The following RLF variants were observed in gnomAD, a reference collection of about 807,000 sequenced individuals.
The protein encoded by RLF is zinc finger protein Rlf.
RLF carries 7 observed loss-of-function variants against 162.9 expected under a neutral mutation model. That is an observed-to-expected ratio of 0.04 (90% CI 0.02 to 0.08). The LOEUF (loss-of-function observed/expected upper bound fraction) is 0.08, where lower values mean the gene tolerates loss of function less well. RLF is among the 10% of genes least tolerant of loss of function. The pLI, the probability that RLF is intolerant of heterozygous loss-of-function variation, is 1.00. For synonymous variants in RLF, 782 were observed against 791.5 expected, an observed-to-expected ratio of 0.99 and a Z score of 0.20; for missense variants, 1,664 against 2,244.7, an observed-to-expected ratio of 0.74 and a Z score of 5.23.
rs1168469669 is a variant in RLF at position 40,240,389 on chromosome 1, C to T, written c.5687C>T (p.Pro1896Leu). 6.2e-7 allele frequency: 1 copy of T among 1,613,954 alleles called. No homozygotes were observed. The highest frequency in any genetic ancestry group is 1.7e-5 in the Admixed American group (1 of 59,968). Residue 1896 changes from proline to leucine, a missense_variant, in exon 8 of 8, where the codon CCA (proline) becomes CTA (leucine). Transcript: ENST00000372771. ...CTTGAAAGATCTAAGTTTTCCACAC[C>T]AATTTTAGACTTATTTCCAACAAAA... ...VVLERSKFST[P>L]ILDLFPTKKT...
chr1:40,219,196 T>G (rs951972207), intron 5 of RLF, among the ~76,000 whole-genome samples: 1 of 152,214 alleles, frequency 6.6e-6, no homozygotes, highest in Non-Finnish European at 1.5e-5. Context: ...TTTACATGAA[T>G]TTTTTAAGTT....
chr1:40,209,871 C>T (rs765666565), intron 5 of RLF, among the ~76,000 whole-genome samples: 2 of 148,050 alleles, frequency 1.4e-5, no homozygotes, highest in Non-Finnish European at 3.0e-5. Flanking sequence ...GGGCGAGACT[C>T]CGTCTTAAAA....
intron 6 of RLF, among the ~76,000 whole-genome samples, chr1:40,228,226 C>T (rs1272372986): frequency 2.6e-5 from 4 of 151,258 alleles, no homozygotes; most frequent in Non-Finnish European, 5.9e-5. Flanking sequence ...GCAGAGGTTG[C>T]AGTGAGCCGA....
At chr1:40,202,676 G>A in intron 5 of RLF, 62 bp downstream of exon 5, 1 of 973,856 alleles carries the variant, frequency 1.0e-6, no homozygotes, top group Non-Finnish European at 1.5e-6. Context: ...TATATATATT[G>A]CATGGTTTAT....
intron 1 of RLF, among the ~76,000 whole-genome samples, chr1:40,170,511 GT>G (rs1642229676): frequency 6.6e-6 from 1 of 152,144 alleles, no homozygotes; most frequent in Non-Finnish European, 1.5e-5. Context: ...GCCTCCCAAA[GT>G]GCTGGGATTA....
chr1:40,224,249 T>C (rs975435331), intron 6 of RLF, among the ~76,000 whole-genome samples: 8 of 151,060 alleles, frequency 5.3e-5, no homozygotes, highest in African/African-American at 2.0e-4. Flanking sequence ...AAAATCTTAG[T>C]CATTTCACAC....
intron 3 of RLF, among the ~76,000 whole-genome samples, chr1:40,193,145 A>G (rs1642582994): frequency 6.6e-6 from 1 of 151,346 alleles, no homozygotes; most frequent in African/African-American, 2.4e-5. Context: ...AAAAAAAAAA[A>G]AGAGCATCTT....
In RLF at chr1:40,240,420, A is replaced by G. The variant is rs759639244; in HGVS notation, c.5718A>G (p.Thr1906=). Reference sequence around the variant, plus strand: ...TAGACTTATTTCCAACAAAAAAGACAGATGAGCTTTGTGTAGGAAGTTCAT... The same window carrying G: ...TAGACTTATTTCCAACAAAAAAGACGGATGAGCTTTGTGTAGGAAGTTCAT... The part of the protein sequence containing the change: ...PILDLFPTKK[T]DELCVGSS The change falls in exon 8 of 8, where the codon ACA becomes ACG. Residue 1906 remains threonine (T), a synonymous_variant. Transcript: ENST00000372771. The G allele has an allele frequency of 6.2e-7, 1 of 1,613,856 alleles. No homozygotes were observed. The highest frequency in any genetic ancestry group is 8.5e-7 in the Non-Finnish European group (1 of 1,179,888).
intron 6 of RLF, among the ~76,000 whole-genome samples, chr1:40,226,271 A>G (rs1643070592): frequency 6.6e-6 from 1 of 152,196 alleles, no homozygotes; most frequent in Non-Finnish European, 1.5e-5. Flanking sequence ...CTCCCTGTAG[A>G]TGCCTCTCAG....
intron 6 of RLF, among the ~76,000 whole-genome samples, chr1:40,229,674 C>G (rs1327206822): frequency 1.3e-5 from 2 of 151,352 alleles, no homozygotes; most frequent in African/African-American, 2.4e-5. Flanking sequence ...AGGCTGGTCT[C>G]GAACTCCTGA....
In RLF at chr1:40,178,676, T is replaced by G. The variant is rs377034855; in HGVS notation, c.238-10379T>G. Among the ~76,000 whole-genome samples the G allele has an allele frequency of 8.1e-5, 12 of 147,944 alleles. 1 individual carries two copies. The highest frequency in any genetic ancestry group is 3.9e-4 in the East Asian group (2 of 5,130). On this transcript the variant is annotated intron_variant, in intron 1 of 7. Coordinates refer to ENST00000372771, the MANE Select transcript of RLF (RefSeq NM_012421.4). Reference sequence around the variant, plus strand: ...AGAGATGGGATCTTGCTATGGTCTTTTTTGTTTTGTGTTTTTTTTTTTTTC... The same window carrying G: ...AGAGATGGGATCTTGCTATGGTCTTGTTTGTTTTGTGTTTTTTTTTTTTTC...
intron 5 of RLF, among the ~76,000 whole-genome samples, chr1:40,214,918 CAAAAAAAAA>C (rs34756935): frequency 7.6e-4 from 11 of 14,396 alleles, no homozygotes; most frequent in African/African-American, 1.6e-3. Context: ...GAGCCTGTCT[CAAAAAAAAA>C]AAAAAAAAAA....
At chr1:40,219,558 G>C (rs1232887032) in intron 5 of RLF, among the ~76,000 whole-genome samples, 1 of 152,132 alleles carries the variant, frequency 6.6e-6, no homozygotes, top group East Asian at 1.9e-4. Context: ...TGGGTGCAAG[G>C]CAAATGAGCT....
At chr1:40,202,300 C>A in intron 4 of RLF, 112 bp from the exon 5 acceptor site, 1 of 691,338 alleles carries the variant, frequency 1.4e-6, no homozygotes, top group Non-Finnish European at 2.3e-6. Flanking sequence ...TTTATATAAA[C>A]TAAATTTTTA....
chr1:40,231,615 C>A lies in RLF; in HGVS notation c.1046C>A (p.Thr349Lys), dbSNP rs557228847. Residue 349 changes from threonine (T) to lysine (K), a missense_variant, in exon 7 of 8, where the codon ACG becomes AAG. By Grantham distance (78) the Thr-to-Lys change is moderately conservative. Around this residue, in one of 15 missense-constraint regions of RLF, gnomAD observed 287 missense variants for 404.9 expected, o/e 0.71. Transcript: ENST00000372771. ...CGTCAGTTTGGTGTCATAGCTAAAA[C>A]GCAGCAGCATTTATTTTGCCTCATT... The part of the protein sequence containing the change: ...RCRQFGVIAK[T>K]QQHLFCLIRV... 1 of 1,613,746 alleles carries A rather than the reference C, an allele frequency of 6.2e-7. No homozygotes were observed. Among genetic ancestry groups the A allele is most frequent in the African/African-American group, 1.3e-5 (1 of 74,906 alleles).
chr1:40,169,622 CAAAAAAAA>C (rs886534976), intron 1 of RLF, among the ~76,000 whole-genome samples: 12 of 46,992 alleles, frequency 2.6e-4, no homozygotes, highest in African/African-American at 9.5e-4. Flanking sequence ...GACTCCGTCT[CAAAAAAAA>C]AAAAAAAAAA....
At chr1:40,209,721 C>CA (rs1374640775) in intron 5 of RLF, among the ~76,000 whole-genome samples, 3 of 151,818 alleles carry the variant, frequency 2.0e-5, no homozygotes, top group Admixed American at 1.3e-4. Context: ...ACTAAAGATA[C>CA]AAAAAATTAG....
chr1:40,178,632 GTTTTTTTTTT>G lies in RLF; in HGVS notation c.238-10416_238-10407del, dbSNP rs57391266. Among the ~76,000 whole-genome samples, 7 of 88,430 alleles carry G rather than the reference GTTTTTTTTTT, an allele frequency of 7.9e-5. No individual in the cohort carries two copies. The South Asian group carries it at 3.0e-3, about 38-fold the overall frequency. The allele number at this position is 88,430 out of a possible 152,430, so 58.0% of individuals were successfully genotyped here. ...GCTGTCTTTGGTGTTTTTTTTTTTTGTTTTTTTTTTTTTTTTGGAGAGATGGGATCTTGCT... is the reference window on the plus strand; with the variant it reads ...GCTGTCTTTGGTGTTTTTTTTTTTTGTTTTTTGGAGAGATGGGATCTTGCT... On this transcript the variant is annotated intron_variant, in intron 1 of 7. Transcript: ENST00000372771.
intron 5 of RLF, among the ~76,000 whole-genome samples, chr1:40,216,827 A>G (rs1642930537): frequency 6.6e-6 from 1 of 152,134 alleles, no homozygotes; most frequent in South Asian, 2.1e-4. Flanking sequence ...AGAGGCGGGC[A>G]GATCACTTGA....
Sources: gnomAD v4.1 joint callset for allele counts (sites outside exome capture counted in the v4.1 genomes callset) on GRCh38, gnomAD v4.1.1 for gene constraint, gnomAD v4.1.1 regional missense constraint, MANE v1.5 for transcripts, NCBI Gene and HGNC (gene_info 2026-07-23, HGNC 2026-07-21) for gene names.